Variants in SIK3 observed in about 807,000 individuals in gnomAD.
SIK3 encodes the protein SIK family kinase 3.
A neutral mutation model predicts 144.2 loss-of-function variants in SIK3; 28 were observed. The ratio of observed to expected loss-of-function variants is 0.19; its 90% CI spans 0.14 to 0.27. The LOEUF (loss-of-function observed/expected upper bound fraction) is 0.27, where lower values mean the gene tolerates loss of function less well. Among genes scored for constraint, SIK3 ranks in the 10% least tolerant of loss-of-function variants. The pLI is 1.00. For missense variants in SIK3, 1,319 were observed against 1,776.0 expected, an observed-to-expected ratio of 0.74 and a Z score of 4.62; for synonymous variants, 686 against 676.3, an observed-to-expected ratio of 1.01 and a Z score of -0.22.
At chr11:117,016,383 A>AGAGGGAGG (rs1473674816) in intron 1 of SIK3, among the ~76,000 whole-genome samples, 1 of 40,986 alleles carries the variant, frequency 2.4e-5, no homozygotes, top group Non-Finnish European at 5.1e-5. Flanking sequence ...AGGGAGGGAG[A>AGAGGGAGG]GAGGGAGGGA....
intron 1 of SIK3, among the ~76,000 whole-genome samples, chr11:117,051,103 C>T (rs545409081): frequency 6.6e-6 from 1 of 152,228 alleles, no homozygotes; most frequent in South Asian, 2.1e-4. Context: ...ATCTGTTTAC[C>T]CTTTTCCACC....
In SIK3 at chr11:117,098,347, C is replaced by T. The variant is rs1955578736; in HGVS notation, c.69G>A (p.Ala23=). The T allele has an allele frequency of 5.2e-6, 6 of 1,151,702 alleles. No homozygotes were observed. Among genetic ancestry groups the T allele is most frequent in the Non-Finnish European group, 5.3e-6 (5 of 939,618 alleles). The allele number at this position is 1,151,702 out of a possible 1,614,324, so 71.3% of individuals were successfully genotyped here. A position where few individuals can be genotyped will look rare whatever the true frequency, so the allele number is the denominator to read the frequency against. The part of the protein sequence containing the change: ...AGAGTGGAGP[A]GRLLPPPAPG... ...GCGCGGGCGGAGGCAGCAGGCGGCC[C>T]GCGGGCCCGGCTCCCCCAGTCCCGG... is the stretch of plus-strand genomic sequence containing the variant. The change falls in exon 1 of 25, where the codon GCG becomes GCA. Residue 23 remains alanine, a synonymous_variant. Transcript: ENST00000445177.
At chr11:116,969,426 G>A (rs545212484) in intron 1 of SIK3, among the ~76,000 whole-genome samples, 23 of 151,928 alleles carry the variant, frequency 1.5e-4, no homozygotes, top group African/African-American at 5.6e-4. Flanking sequence ...AATGTAGAGA[G>A]CTAGAAGGAA....
intron 6 of SIK3, among the ~76,000 whole-genome samples, chr11:116,880,194 CATA>C (rs1944473539): frequency 6.6e-6 from 1 of 151,850 alleles, no homozygotes; most frequent in Non-Finnish European, 1.5e-5. Flanking sequence ...AAAACAGTAC[CATA>C]ATAATTCCTA....
At chr11:116,968,686 T>C (rs538113772) in intron 1 of SIK3, among the ~76,000 whole-genome samples, 72 of 152,342 alleles carry the variant, frequency 4.7e-4, no homozygotes, top group African/African-American at 1.6e-3. Context: ...CCTTCTCTGA[T>C]GGTCCTAAAT....
chr11:117,023,621 A>AAAAAAAATATATATATATATATAT (rs754624841), intron 1 of SIK3, among the ~76,000 whole-genome samples: 1 of 95,412 alleles, frequency 1.0e-5, no homozygotes, highest in East Asian at 3.1e-4. Flanking sequence ...AAAAAAAAAA[A>AAAAAAAATATATATATATATATAT]ATATATATAT....
Position 116,988,869 on chromosome 11 carries a change from A to G in SIK3, c.274-31805T>C, listed in dbSNP as rs112343932. Among the ~76,000 whole-genome samples the G allele has an allele frequency of 9.2e-3, 1,389 of 151,424 alleles. 23 individuals carry two copies. Among genetic ancestry groups the G allele is most frequent in the African/African-American group, 0.032 (1,324 of 41,392 alleles). On this transcript the variant is annotated intron_variant, in intron 1 of 24. Coordinates refer to ENST00000445177, the MANE Select transcript of SIK3 (RefSeq NM_001366686.3). ...TGAGAGTTTTATGGAGAGGAGTACA[A>G]AACTTCACTGAAAAATCTAAAAGAA...
At chr11:117,068,479 T>C (rs1394452982) in intron 1 of SIK3, among the ~76,000 whole-genome samples, 1 of 152,242 alleles carries the variant, frequency 6.6e-6, no homozygotes, top group African/African-American at 2.4e-5. Flanking sequence ...TCTGGCATGA[T>C]GGCTCATGCC....
intron 1 of SIK3, among the ~76,000 whole-genome samples, chr11:117,020,181 C>T (rs1035953101): frequency 4.3e-5 from 6 of 140,898 alleles, no homozygotes; most frequent in African/African-American, 1.4e-4. Flanking sequence ...TCAGAAGGCA[C>T]AGGCCCTTGA....
At chr11:116,905,461 T>G (rs1420173801) in intron 4 of SIK3, among the ~76,000 whole-genome samples, 1 of 152,218 alleles carries the variant, frequency 6.6e-6, no homozygotes, top group Non-Finnish European at 1.5e-5. Context: ...TTCTCTTGGA[T>G]ATATACCTGG....
intron 1 of SIK3, among the ~76,000 whole-genome samples, chr11:117,007,690 T>C (rs1400576046): frequency 6.6e-6 from 1 of 152,182 alleles, no homozygotes; most frequent in Non-Finnish European, 1.5e-5. Flanking sequence ...AACTTTTAGA[T>C]TTAGATAATT....
chr11:117,043,566 G>C lies in SIK3; in HGVS notation c.273+54577C>G, dbSNP rs149437297. On this transcript the variant is annotated intron_variant, in intron 1 of 24. Transcript: ENST00000445177. ...TCATAGGAGTTTCCAAAAAATGCCT[G>C]AACTCTTCATAATCCTGCTAAATAT... Among the ~76,000 whole-genome samples, 14 of 152,260 alleles carry C rather than the reference G, an allele frequency of 9.2e-5. No homozygotes were observed. In the East Asian group the frequency reaches 2.5e-3, roughly 27 times the overall value.
intron 3 of SIK3, among the ~76,000 whole-genome samples, chr11:116,929,644 T>A (rs1177226896): frequency 2.0e-5 from 3 of 152,212 alleles, no homozygotes; most frequent in Non-Finnish European, 4.4e-5. Context: ...ATCCTGCCAA[T>A]ACCCCCACCT....
At chr11:116,917,231 C>A (rs1320929699) in intron 4 of SIK3, among the ~76,000 whole-genome samples, 1 of 152,116 alleles carries the variant, frequency 6.6e-6, no homozygotes, top group Admixed American at 6.5e-5. Flanking sequence ...GAGGAGCTTA[C>A]GATCCTCATG....
intron 4 of SIK3, among the ~76,000 whole-genome samples, chr11:116,920,429 C>A (rs1025625811): frequency 6.6e-6 from 1 of 152,180 alleles, no homozygotes; most frequent in Non-Finnish European, 1.5e-5. Flanking sequence ...TTTGAAGATC[C>A]TGGCTAAAAG....
chr11:117,039,394 C>T (rs985079124), intron 1 of SIK3, among the ~76,000 whole-genome samples: 6 of 152,266 alleles, frequency 3.9e-5, no homozygotes, highest in Admixed American at 2.0e-4. Context: ...GGATCACAGG[C>T]GTAAGCCACC....
intron 4 of SIK3, among the ~76,000 whole-genome samples, chr11:116,915,156 G>GGGTGTGTA (rs1555093390): frequency 6.8e-6 from 1 of 148,094 alleles, no homozygotes; most frequent in Non-Finnish European, 1.5e-5. Context: ...GTGTGTGTGT[G>GGGTGTGTA]TGTGTATGTG....
chr11:117,030,898 C>T (rs1233380962), intron 1 of SIK3, among the ~76,000 whole-genome samples: 3 of 152,288 alleles, frequency 2.0e-5, no homozygotes, highest in Non-Finnish European at 2.9e-5. Flanking sequence ...AGTTCCCTAA[C>T]GGCTAATGAT....
At position 116,859,307 on chromosome 11, in the gene SIK3, G is replaced by A. The variant is rs1943171961; in HGVS notation, c.2723C>T (p.Pro908Leu). Residue 908 changes from proline to leucine, a missense_variant, in exon 20 of 25, where the codon CCC (proline) becomes CTC (leucine). Pro to Leu is a moderately conservative substitution (Grantham distance 98, BLOSUM62 -3). Coordinates refer to ENST00000445177, the MANE Select transcript of SIK3 (RefSeq NM_001366686.3). ...LMATLSYGHR[P>L]LSKQLSADSA... Reference sequence around the variant, plus strand: ...GTCAGCACTCAGCTGCTTGGACAAGGGACGGTGCCCATAGCTGAGGGTGGC... The same window carrying A: ...GTCAGCACTCAGCTGCTTGGACAAGAGACGGTGCCCATAGCTGAGGGTGGC... 1 of 1,613,088 alleles carries A rather than the reference G, an allele frequency of 6.2e-7. No homozygotes were observed. Among genetic ancestry groups the A allele is most frequent in the African/African-American group, 1.3e-5 (1 of 74,906 alleles).
Sources: gnomAD v4.1 joint callset for allele counts (sites outside exome capture counted in the v4.1 genomes callset) on GRCh38, gnomAD v4.1.1 for gene constraint, MANE v1.5 for transcripts, NCBI Gene and HGNC (gene_info 2026-07-23, HGNC 2026-07-21) for gene names.